TENM3: variants seen among roughly 807,000 people sequenced by gnomAD.
TENM3 encodes the protein teneurin transmembrane protein 3.
Under a neutral mutation model 255.1 loss-of-function variants are expected in TENM3, and 63 were observed. The ratio of observed to expected loss-of-function variants is 0.25; its 90% CI spans 0.20 to 0.30. The LOEUF is 0.30. Among genes scored for constraint, TENM3 ranks in the 10% least tolerant of loss-of-function variants. TENM3 has a pLI of 1.00. For missense variants in TENM3, 2,929 were observed against 3,461.1 expected (o/e 0.85, Z 3.86); for synonymous variants, 1,306 against 1,322.3 (o/e 0.99, Z 0.27).
In TENM3 at chr4:182,679,862, A is replaced by G. The variant is rs746348088; in HGVS notation, c.1523A>G (p.Asn508Ser). ...AAAAATGCAGAGCAGGTGTCTTTTA[A>G]TACCATTGTTATAGGTAAGAATAGT... ...DGKNAEQVSF[N>S]TIVIESVVEC... is the part of the protein sequence containing the mutation. The change falls in exon 8 of 28, where the codon AAT becomes AGT. Residue 508 changes from asparagine to serine, a missense_variant. Physicochemically the swap from Asn to Ser is conservative, Grantham distance 46 (BLOSUM62 1). This residue lies in a region of TENM3 where 1,608 missense variants were observed against 1,884.4 expected (regional missense o/e 0.85). Coordinates refer to ENST00000511685, the MANE Select transcript of TENM3 (RefSeq NM_001080477.4). 4.3e-6 allele frequency: 7 copies of G among 1,610,216 alleles called. No homozygotes were observed. Among genetic ancestry groups the G allele is most frequent in the Non-Finnish European group, 5.9e-6 (7 of 1,177,904 alleles).
At chr4:181,933,744 A>G in the TENM3 span, among the ~76,000 whole-genome samples, 2 of 152,224 alleles carry the variant, frequency 1.3e-5, no homozygotes, top group African/African-American at 4.8e-5. Context: ...GCAACTAAAA[A>G]TGCAGGCATT....
chr4:181,473,942 A>G, the TENM3 span, among the ~76,000 whole-genome samples: 1 of 150,646 alleles, frequency 6.6e-6, no homozygotes, highest in Non-Finnish European at 1.5e-5. Flanking sequence ...ATAAAAATAT[A>G]CTGTGTATAA....
intron 12 of TENM3, among the ~76,000 whole-genome samples, chr4:182,704,929 A>C (rs1325687571): frequency 6.6e-6 from 1 of 151,584 alleles, no homozygotes; most frequent in Non-Finnish European, 1.5e-5. Flanking sequence ...GTTTGTCCAT[A>C]ATCTGATAAT....
the TENM3 span, among the ~76,000 whole-genome samples, chr4:181,693,448 C>T: frequency 6.6e-6 from 1 of 152,104 alleles, no homozygotes; most frequent in South Asian, 2.1e-4. Context: ...GTGGAGATGG[C>T]CCTGAGTGCC....
the TENM3 span, among the ~76,000 whole-genome samples, chr4:181,569,046 G>T: frequency 5.3e-5 from 8 of 152,178 alleles, no homozygotes; most frequent in Non-Finnish European, 1.2e-4. Flanking sequence ...AGTAATAAAA[G>T]GTTTTTGCCA....
chr4:182,086,243 ACAGT>A, the TENM3 span, among the ~76,000 whole-genome samples: 1 of 152,176 alleles, frequency 6.6e-6, no homozygotes, highest in Non-Finnish European at 1.5e-5. Context: ...CTCGCTAATC[ACAGT>A]CTGTCTTGCA....
the TENM3 span, among the ~76,000 whole-genome samples, chr4:181,593,570 T>A: frequency 2.6e-5 from 4 of 152,236 alleles, no homozygotes; most frequent in African/African-American, 9.6e-5. Context: ...TACATGGCAC[T>A]GGATAAAAGA....
intron 4 of TENM3, among the ~76,000 whole-genome samples, chr4:182,616,782 T>G (rs1451658970): frequency 6.6e-6 from 1 of 152,086 alleles, no homozygotes; most frequent in East Asian, 1.9e-4. Flanking sequence ...AGTGAATAAT[T>G]ATGCTAGATA....
the TENM3 span, among the ~76,000 whole-genome samples, chr4:181,752,321 G>A: frequency 2.6e-5 from 4 of 152,084 alleles, no homozygotes; most frequent in African/African-American, 9.7e-5. Context: ...AGGCCGAGGC[G>A]GGCAGATCTC....
the TENM3 span, among the ~76,000 whole-genome samples, chr4:181,658,678 T>C: frequency 6.6e-6 from 1 of 152,250 alleles, no homozygotes; most frequent in Non-Finnish European, 1.5e-5. Flanking sequence ...ATGCTTACCA[T>C]GTGCCAGGCA....
chr4:182,739,093 C>T (rs1388248612), intron 18 of TENM3, among the ~76,000 whole-genome samples: 1 of 151,170 alleles, frequency 6.6e-6, no homozygotes. Context: ...CATTCTGCCA[C>T]TCAAATGGGG....
At chr4:181,959,399 C>G in the TENM3 span, among the ~76,000 whole-genome samples, 1 of 152,098 alleles carries the variant, frequency 6.6e-6, no homozygotes, top group East Asian at 1.9e-4. Flanking sequence ...CTGACACAGC[C>G]CCTGTTTCAA....
chr4:182,013,975 TAC>T, the TENM3 span, among the ~76,000 whole-genome samples: 3 of 113,686 alleles, frequency 2.6e-5, no homozygotes, highest in Admixed American at 1.9e-4. Context: ...TACGTATATA[TAC>T]GTGTATATAC....
At chr4:182,357,930 A>C (rs1176598939) in intron 3 of TENM3, among the ~76,000 whole-genome samples, 30 of 151,324 alleles carry the variant, frequency 2.0e-4, no homozygotes, top group African/African-American at 6.3e-4. Flanking sequence ...TCAGCTTTCT[A>C]CATATGGCTA....
the TENM3 span, among the ~76,000 whole-genome samples, chr4:181,615,507 T>C: frequency 2.0e-5 from 3 of 152,186 alleles, no homozygotes; most frequent in African/African-American, 4.8e-5. Context: ...ATTACCATTT[T>C]TATTAAGTAT....
At chr4:182,197,591 G>GA (rs1275879255) in intron 1 of TENM3, among the ~76,000 whole-genome samples, 2 of 151,822 alleles carry the variant, frequency 1.3e-5, no homozygotes, top group Non-Finnish European at 2.9e-5. Flanking sequence ...AATACAAAAA[G>GA]AAAAAAAATG....
chr4:182,714,121 A>G lies in TENM3; in HGVS notation c.2256A>G (p.Arg752=). The G allele has an allele frequency of 1.9e-6, 3 of 1,613,898 alleles. No individual in the cohort carries two copies. The highest frequency in any genetic ancestry group is 2.2e-5 in the East Asian group (1 of 44,870). Residue 752 remains arginine (R), a synonymous_variant, in exon 13 of 28, where the codon AGA becomes AGG. Coordinates refer to ENST00000511685, the MANE Select transcript of TENM3 (RefSeq NM_001080477.4). ...GCPGLCNSNG[R]CTLDQNGWHC... ...CTGGTCTGTGCAACAGCAATGGAAG[A>G]TGTACCCTGGACCAAAATGGCTGGC...
intron 1 of TENM3, among the ~76,000 whole-genome samples, chr4:182,255,060 T>A (rs1234008980): frequency 1.3e-5 from 2 of 152,192 alleles, no homozygotes; most frequent in Non-Finnish European, 2.9e-5. Context: ...ATCTTAAATT[T>A]CAGTGCAGCA....
the TENM3 span, among the ~76,000 whole-genome samples, chr4:181,830,254 C>CTTTTTTTG: frequency 6.6e-6 from 1 of 151,918 alleles, no homozygotes; most frequent in Non-Finnish European, 1.5e-5. Context: ...GCTGCTGCTG[C>CTTTTTTTG]TTTTTTTGTT....
Sources: gnomAD v4.1 joint callset for allele counts (sites outside exome capture counted in the v4.1 genomes callset) on GRCh38, gnomAD v4.1.1 for gene constraint, gnomAD v4.1.1 regional missense constraint, MANE v1.5 for transcripts, NCBI Gene and HGNC (gene_info 2026-07-23, HGNC 2026-07-21) for gene names.